Variants in CARMIL1 observed in about 807,000 individuals in gnomAD.
CARMIL1 encodes capping protein regulator and myosin 1 linker 1.
A neutral mutation model predicts 177.1 loss-of-function variants in CARMIL1; 90 were observed. That is an observed-to-expected ratio of 0.51 (90% CI 0.43 to 0.61). The LOEUF (loss-of-function observed/expected upper bound fraction) is 0.61, where lower values mean the gene tolerates loss of function less well. Among genes scored for constraint, CARMIL1 ranks in the 20% least tolerant of loss-of-function variants. The pLI is 0.00. For missense variants in CARMIL1, 1,380 were observed against 1,667.0 expected, an observed-to-expected ratio of 0.83 and a Z score of 3.00; for synonymous variants, 577 against 606.2, an observed-to-expected ratio of 0.95 and a Z score of 0.71.
At chr6:25,435,031 A>G (rs1797108904) in intron 4 of CARMIL1, among the ~76,000 whole-genome samples, 1 of 152,230 alleles carries the variant, frequency 6.6e-6, no homozygotes, top group Non-Finnish European at 1.5e-5. Flanking sequence ...CATAGCAGGG[A>G]TATAAAAACT....
chr6:25,480,175 A>G (rs930246673), intron 11 of CARMIL1, among the ~76,000 whole-genome samples: 1 of 152,056 alleles, frequency 6.6e-6, no homozygotes, highest in South Asian at 2.1e-4. Flanking sequence ...TATATCAGTT[A>G]TATCTTTTTT....
At chr6:25,366,303 T>A (rs923564696) in intron 2 of CARMIL1, among the ~76,000 whole-genome samples, 1 of 152,150 alleles carries the variant, frequency 6.6e-6, no homozygotes, top group Non-Finnish European at 1.5e-5. Flanking sequence ...GGCCTTTCAG[T>A]GTCTTTGAAC....
intron 8 of CARMIL1, among the ~76,000 whole-genome samples, chr6:25,461,419 A>G (rs1800107410): frequency 2.6e-5 from 4 of 152,232 alleles, no homozygotes; most frequent in South Asian, 2.1e-4. Flanking sequence ...AGGAGTCACA[A>G]TGAAGAGTTC....
chr6:25,495,164 C>G lies in CARMIL1; in HGVS notation c.1274C>G (p.Ala425Gly), dbSNP rs746017002. ...AAGCAATTTTTTAGTAGTTCTCTGG[C>G]TTTGATGCACATCAACCTTTCAGGC... ...SFKQFFSSSL[A>G]LMHINLSGTK... Residue 425 changes from alanine to glycine, a missense_variant, in exon 16 of 37, where the codon GCT (alanine) becomes GGT (glycine). Coordinates refer to ENST00000329474, the MANE Select transcript of CARMIL1 (RefSeq NM_017640.6). 6.2e-7 allele frequency: 1 copy of G among 1,613,336 alleles called. No homozygotes were observed. Among genetic ancestry groups the G allele is most frequent in the Non-Finnish European group, 8.5e-7 (1 of 1,179,610 alleles).
chr6:25,447,181 CA>C (rs1798316971), intron 5 of CARMIL1, among the ~76,000 whole-genome samples: 1 of 152,012 alleles, frequency 6.6e-6, no homozygotes, highest in African/African-American at 2.4e-5. Context: ...CTTCAATTGG[CA>C]AAAAATGCAA....
chr6:25,283,880 A>AT (rs11394489), intron 1 of CARMIL1, among the ~76,000 whole-genome samples: 103,696 of 150,686 alleles, frequency 0.69, 35,892 homozygotes, highest in South Asian at 0.77. Context: ...CACCTGGCTA[A>AT]TTTTTTTTTG....
At chr6:25,407,488 G>T in intron 2 of CARMIL1, among the ~76,000 whole-genome samples, 1 of 152,014 alleles carries the variant, frequency 6.6e-6, no homozygotes, top group Non-Finnish European at 1.5e-5. Flanking sequence ...GGTTTGGAGT[G>T]GAATGGTAAG....
chr6:25,362,259 G>A (rs189884001), intron 2 of CARMIL1, among the ~76,000 whole-genome samples: 45 of 152,320 alleles, frequency 3.0e-4, no homozygotes, highest in Admixed American at 8.5e-4. Flanking sequence ...CTAAGTGAGA[G>A]ATTAAAAAAG....
At chr6:25,319,605 A>G (rs2150233993) in intron 2 of CARMIL1, among the ~76,000 whole-genome samples, 1 of 152,222 alleles carries the variant, frequency 6.6e-6, no homozygotes, top group Non-Finnish European at 1.5e-5. Flanking sequence ...CATGAAAGGT[A>G]CATACACATT....
chr6:25,288,688 C>T (rs1018786962), intron 2 of CARMIL1, among the ~76,000 whole-genome samples: 3 of 152,136 alleles, frequency 2.0e-5, no homozygotes, highest in African/African-American at 7.2e-5. Context: ...GCCATTCCTT[C>T]TGAAGCCCAA....
chr6:25,298,044 C>T (rs1782563431), intron 2 of CARMIL1, among the ~76,000 whole-genome samples: 1 of 152,126 alleles, frequency 6.6e-6, no homozygotes, highest in African/African-American at 2.4e-5. Flanking sequence ...CTTCTCTGTG[C>T]CTTACTTTCT....
chr6:25,583,829 C>G (rs560561724), intron 31 of CARMIL1, among the ~76,000 whole-genome samples: 1 of 151,724 alleles, frequency 6.6e-6, no homozygotes, highest in South Asian at 2.1e-4. Context: ...CAACCCCCCC[C>G]ACCCGCCTCC....
chr6:25,518,235 G>T (rs889128405), intron 22 of CARMIL1, among the ~76,000 whole-genome samples: 3 of 152,204 alleles, frequency 2.0e-5, no homozygotes, highest in African/African-American at 7.2e-5. Flanking sequence ...ACATGGTGTT[G>T]TGGTACAACC....
chr6:25,522,857 T>C lies in CARMIL1; in HGVS notation c.1968+2520T>C, dbSNP rs534301059. Among the ~76,000 whole-genome samples, 56 of 152,344 alleles carry C rather than the reference T, an allele frequency of 3.7e-4. No individual in the cohort carries two copies. The South Asian group carries it at 9.5e-3, about 26-fold the overall frequency. On this transcript the variant is annotated intron_variant, in intron 23 of 36. Transcript: ENST00000329474. The stretch of plus-strand genomic sequence containing the variant: ...CAGGGTCTGGCTCTGTTGCCCAAGC[T>C]GGAGTGCAGTGGTGCAGTCATGGCT...
At chr6:25,452,000 C>CCCG (rs1554199107) in intron 8 of CARMIL1, 1 of 184,906 alleles carries the variant, frequency 5.4e-6, no homozygotes, top group African/African-American at 2.9e-5. Flanking sequence ...CCCCCTCCCC[C>CCCG]CCCCAGAATA....
chr6:25,572,702 CAAAAAAAAAA>C (rs35085655), intron 29 of CARMIL1, among the ~76,000 whole-genome samples: 2 of 53,170 alleles, frequency 3.8e-5, no homozygotes, highest in Admixed American at 2.4e-4. Context: ...GACCTTGTCT[CAAAAAAAAAA>C]AAAAAAAAAA....
chr6:25,295,347 G>A (rs367731344), intron 2 of CARMIL1, among the ~76,000 whole-genome samples: 130 of 152,062 alleles, frequency 8.5e-4, no homozygotes, highest in African/African-American at 3.0e-3. Context: ...CACTGTAGAG[G>A]AGTACTGTAG....
intron 32 of CARMIL1, among the ~76,000 whole-genome samples, chr6:25,596,101 A>T (rs373794802): frequency 2.6e-5 from 4 of 152,032 alleles, no homozygotes; most frequent in East Asian, 3.9e-4. Context: ...TCCCAGTGTG[A>T]TTTTCTCTCC....
chr6:25,468,269 A>C (rs927388539), intron 9 of CARMIL1, among the ~76,000 whole-genome samples: 3 of 152,132 alleles, frequency 2.0e-5, no homozygotes, highest in Non-Finnish European at 4.4e-5. Flanking sequence ...GATTCATTAA[A>C]AAAAACAGCA....
Sources: allele counts gnomAD v4.1 joint callset (sites outside exome capture counted in the v4.1 genomes callset), GRCh38; gene constraint gnomAD v4.1.1; transcripts MANE v1.5; gene names NCBI Gene and HGNC (gene_info 2026-07-23, HGNC 2026-07-21).